The following GOLM1 variants were observed in gnomAD, a reference collection of about 807,000 sequenced individuals.
GOLM1 encodes epididymis luminal protein 46.
Under a neutral mutation model 50.5 loss-of-function variants are expected in GOLM1, and 31 were observed. That is an observed-to-expected ratio of 0.61 (90% CI 0.46 to 0.83). The LOEUF (loss-of-function observed/expected upper bound fraction) is 0.83, where lower values mean the gene tolerates loss of function less well. Among genes scored for constraint, GOLM1 ranks in the 40% least tolerant of loss-of-function variants. The pLI is 0.00. For missense variants in GOLM1, 491 were observed against 501.3 expected, an observed-to-expected ratio of 0.98 and a Z score of 0.20; for synonymous variants, 178 against 192.8, an observed-to-expected ratio of 0.92 and a Z score of 0.64.
chr9:86,058,874 G>A (rs1188861814), intron 3 of GOLM1, among the ~76,000 whole-genome samples: 2 of 152,040 alleles, frequency 1.3e-5, no homozygotes, highest in Non-Finnish European at 2.9e-5. Context: ...GCAGGTGCCT[G>A]TAATCCCAGC....
chr9:86,091,327 A>G (rs551263108), intron 1 of GOLM1, among the ~76,000 whole-genome samples: 30 of 152,252 alleles, frequency 2.0e-4, no homozygotes, highest in Non-Finnish European at 4.0e-4. Flanking sequence ...CAACTTACCC[A>G]CATTTTTTTC....
intron 3 of GOLM1, among the ~76,000 whole-genome samples, chr9:86,053,048 C>A (rs1023779062): frequency 1.1e-3 from 12 of 10,840 alleles, no homozygotes; most frequent in African/African-American, 4.1e-3. Flanking sequence ...TGACTCCACA[C>A]ACCACCAGAC....
intron 3 of GOLM1, among the ~76,000 whole-genome samples, chr9:86,057,513 C>T (rs7862902): frequency 1.6e-4 from 24 of 151,910 alleles, no homozygotes; most frequent in African/African-American, 5.1e-4. Context: ...TCACCCGAGC[C>T]GGGGTGCAGC....
intron 5 of GOLM1, among the ~76,000 whole-genome samples, chr9:86,041,139 T>TA (rs369600401): frequency 3.7e-4 from 56 of 151,918 alleles, no homozygotes; most frequent in African/African-American, 9.6e-4. Context: ...TGTAGAATAA[T>TA]AAAAAAAATA....
intron 4 of GOLM1, among the ~76,000 whole-genome samples, chr9:86,049,080 G>A (rs1356025731): frequency 1.3e-5 from 2 of 152,162 alleles, no homozygotes; most frequent in African/African-American, 4.8e-5. Context: ...TCCAGTTTCA[G>A]CTTTCTACAT....
chr9:86,040,671 TA>T (rs1284205913), intron 6 of GOLM1, 67 bp downstream of exon 6: 3 of 1,482,770 alleles, frequency 2.0e-6, no homozygotes, highest in African/African-American at 2.8e-5. Context: ...AGGCGGCACA[TA>T]AAAGAAACAA....
Position 86,036,386 on chromosome 9 carries a change from G to C in GOLM1, c.719C>G (p.Ser240Cys). 1 of 1,614,186 alleles carries C rather than the reference G, an allele frequency of 6.2e-7. No homozygotes were observed. The highest frequency in any genetic ancestry group is 8.5e-7 in the Non-Finnish European group (1 of 1,180,026). The change falls in exon 7 of 10, where the codon TCC becomes TGC. Residue 240 changes from serine (S) to cysteine (C), a missense_variant. Coordinates refer to ENST00000388712, the MANE Select transcript of GOLM1 (RefSeq NM_016548.4). ...NSKSQTPAPSSEVVLDSKRQV... is the reference protein window; with the variant it reads ...NSKSQTPAPSCEVVLDSKRQV... The stretch of plus-strand genomic sequence containing the variant: ...TCTCTTTGAATCCAAAACCACTTCG[G>C]AACTGGGGGCTGGTGTCTGGGACTT...
In GOLM1 at chr9:86,099,515, C is replaced by T. The variant is rs1348043173; in HGVS notation, c.-126G>A. ...CGGCCTCGAGCTCCGGCCGGCTCCG[C>T]GCCGTGCGCCCAGCGCCTCCGCGTC... On this transcript the variant is annotated 5_prime_UTR_variant, in exon 1 of 10. Transcript: ENST00000388712. The T allele has an allele frequency of 6.7e-6, 1 of 149,460 alleles. No homozygotes were observed. The highest frequency in any genetic ancestry group is 1.5e-5 in the Non-Finnish European group (1 of 67,114). 9.3% of individuals were successfully genotyped at this position (149,460 alleles called of 1,614,324 possible).
At chr9:86,051,894 A>T (rs1403733696) in intron 4 of GOLM1, among the ~76,000 whole-genome samples, 1 of 152,176 alleles carries the variant, frequency 6.6e-6, no homozygotes, top group Non-Finnish European at 1.5e-5. Context: ...GCAATGACCA[A>T]AAGAATTATA....
chr9:86,028,586 C>T (rs957198088), intron 9 of GOLM1, among the ~76,000 whole-genome samples: 6 of 152,198 alleles, frequency 3.9e-5, no homozygotes, highest in South Asian at 2.1e-4. Context: ...TCTGTCCTTG[C>T]GATAAGGCAG....
chr9:86,036,693 G>C (rs561293847), intron 6 of GOLM1, 186 bp from the exon 7 acceptor site: 26 of 609,768 alleles, frequency 4.3e-5, no homozygotes, highest in Non-Finnish European at 7.4e-5. Context: ...AAGACAAGAG[G>C]TTGAGTCAAG....
intron 3 of GOLM1, among the ~76,000 whole-genome samples, chr9:86,072,035 A>C (rs1045539657): frequency 3.9e-5 from 6 of 152,244 alleles, no homozygotes; most frequent in African/African-American, 1.4e-4. Context: ...CTCAAAAACA[A>C]TGGTGACTAC....
chr9:86,073,611 A>G (rs1243480674), intron 3 of GOLM1, among the ~76,000 whole-genome samples: 1 of 152,046 alleles, frequency 6.6e-6, no homozygotes, highest in Non-Finnish European at 1.5e-5. Flanking sequence ...CCTTACAGAG[A>G]AGGGGGAAAG....
chr9:86,044,679 CAGT>C (rs982045332), intron 5 of GOLM1, among the ~76,000 whole-genome samples: 2 of 152,194 alleles, frequency 1.3e-5, no homozygotes, highest in African/African-American at 4.8e-5. Context: ...TGGCCGGGCA[CAGT>C]AGCTCACACC....
At chr9:86,062,113 T>A (rs1238285664) in intron 3 of GOLM1, among the ~76,000 whole-genome samples, 3 of 152,180 alleles carry the variant, frequency 2.0e-5, no homozygotes, top group Non-Finnish European at 4.4e-5. Flanking sequence ...AACACATCCC[T>A]GTGTTGTCAC....
At chr9:86,075,347 C>T (rs1234620101) in intron 3 of GOLM1, among the ~76,000 whole-genome samples, 4 of 152,248 alleles carry the variant, frequency 2.6e-5, no homozygotes, top group Admixed American at 6.5e-5. Context: ...CCCACCACTG[C>T]TGCTGTGATC....
In GOLM1 at chr9:86,046,476, TAGG is replaced by T; in HGVS notation, c.458_460del (p.Ser153del). 1.9e-6 allele frequency: 3 copies of T among 1,595,508 alleles called. No homozygotes were observed. Among genetic ancestry groups the T allele is most frequent in the Non-Finnish European group, 2.6e-6 (3 of 1,162,966 alleles). The stretch of plus-strand genomic sequence containing the variant: ...CGCTCTGAGGTGTACTCACAGGTCG[TAGG>T]AGAACTTCCTCTCCAGGTTGGTCTG... On this transcript the variant is annotated inframe_deletion, in exon 5 of 10. Coordinates refer to ENST00000388712, the MANE Select transcript of GOLM1 (RefSeq NM_016548.4).
At chr9:86,043,367 C>T (rs367989682) in intron 5 of GOLM1, among the ~76,000 whole-genome samples, 35 of 152,284 alleles carry the variant, frequency 2.3e-4, no homozygotes, top group African/African-American at 6.7e-4. Context: ...CTGGCCTCTC[C>T]ATCAGCTTTT....
At position 86,033,134 on chromosome 9, in the gene GOLM1, G is replaced by C. The variant is rs1344794471; in HGVS notation, c.1129+148C>G. On this transcript the variant is annotated intron_variant, in intron 9 of 9. Transcript: ENST00000388712. ...CCCTCACTTCCCTCCACTGCCCCTG[G>C]TTTAAAAGCTCCTAAAGAACAGACG... 7 of 608,056 alleles carry C rather than the reference G, an allele frequency of 1.2e-5. No individual in the cohort carries two copies. In the East Asian group the frequency reaches 1.4e-4, roughly 12 times the overall value. 37.7% of individuals were successfully genotyped at this position (608,056 alleles called of 1,614,324 possible).
Sources: gnomAD v4.1 joint callset for allele counts (sites outside exome capture counted in the v4.1 genomes callset) on GRCh38, gnomAD v4.1.1 for gene constraint, MANE v1.5 for transcripts, NCBI Gene and HGNC (gene_info 2026-07-23, HGNC 2026-07-21) for gene names.